Variants in UNKL observed in about 807,000 individuals in gnomAD.
UNKL encodes the protein putative E3 ubiquitin-protein ligase UNKL.
Under a neutral mutation model 78.0 loss-of-function variants are expected in UNKL, and 60 were observed. The ratio of observed to expected loss-of-function variants is 0.77; its 90% CI spans 0.63 to 0.95. The LOEUF (loss-of-function observed/expected upper bound fraction) is 0.95. Among genes scored for constraint, UNKL ranks in the 40% least tolerant of loss-of-function variants. The pLI, the probability that UNKL is intolerant of heterozygous loss-of-function variation, is 0.00. For missense variants in UNKL, 1,159 were observed against 1,045.7 expected, an observed-to-expected ratio of 1.11 and a Z score of -1.49; for synonymous variants, 608 against 474.8, an observed-to-expected ratio of 1.28 and a Z score of -3.65.
At chr16:1,414,528 G>A in intron 1 of UNKL, 87 bp downstream of exon 1, 1 of 326,750 alleles carries the variant, frequency 3.1e-6, no homozygotes, top group Non-Finnish European at 4.4e-6. Flanking sequence ...GGGGGCGCGG[G>A]GGCGGCGGAG....
intron 10 of UNKL, 120 bp from the exon 11 acceptor site, chr16:1,371,731 G>C: frequency 9.7e-7 from 1 of 1,031,156 alleles, no homozygotes; most frequent in Non-Finnish European, 1.4e-6. Context: ...AGAAGGCGTG[G>C]GAGTTGCTGG....
intron 2 of UNKL, among the ~76,000 whole-genome samples, chr16:1,407,569 G>C (rs370539436): frequency 6.6e-6 from 1 of 151,934 alleles, no homozygotes; most frequent in Non-Finnish European, 1.5e-5. Context: ...GGTGGTGTGC[G>C]CCTATGGTCC....
chr16:1,381,693 G>C (rs1355419431), intron 10 of UNKL, among the ~76,000 whole-genome samples: 1 of 152,218 alleles, frequency 6.6e-6, no homozygotes, highest in Non-Finnish European at 1.5e-5. Context: ...CTGAGTTTCT[G>C]AAGGGGATGT....
intron 10 of UNKL, among the ~76,000 whole-genome samples, chr16:1,377,733 G>A (rs1567211312): frequency 6.6e-6 from 1 of 152,078 alleles, no homozygotes; most frequent in African/African-American, 2.4e-5. Context: ...GTCCAGCAGG[G>A]GCCAAAGCCC....
intron 6 of UNKL, chr16:1,394,421 G>A (rs528064701): frequency 1.3e-5 from 9 of 701,618 alleles, no homozygotes; most frequent in Admixed American, 4.0e-5. Flanking sequence ...CAGGGAACAC[G>A]CACACATGTG....
chr16:1,397,515 C>G, intron 5 of UNKL, among the ~76,000 whole-genome samples: 1 of 53,678 alleles, frequency 1.9e-5, no homozygotes, highest in Non-Finnish European at 3.6e-5. Context: ...CTTGGCTCCC[C>G]CACCCCGACC....
chr16:1,397,047 C>G, intron 6 of UNKL, 131 bp downstream of exon 6: 2 of 989,920 alleles, frequency 2.0e-6, no homozygotes, highest in South Asian at 3.1e-5. Flanking sequence ...CACCCCCAGG[C>G]TTCCCGACCT....
intron 2 of UNKL, among the ~76,000 whole-genome samples, chr16:1,405,683 C>T (rs1041600819): frequency 7.2e-5 from 11 of 152,050 alleles, no homozygotes; most frequent in Non-Finnish European, 1.3e-4. Context: ...CCATTGCTCA[C>T]GGATGCCCAA....
rs759568320 is a variant in UNKL, at chr16:1,367,739, C to T, written c.1705G>A (p.Glu569Lys). 10 of 1,577,546 alleles carry T rather than the reference C, an allele frequency of 6.3e-6. No homozygotes were observed. The highest frequency in any genetic ancestry group is 8.6e-6 in the Non-Finnish European group (10 of 1,162,460). Residue 569 changes from glutamate (E) to lysine (K), a missense_variant, in exon 13 of 15, where the codon GAG becomes AAG. Transcript: ENST00000389221. ...AGCTGCCGCCTGACCCGGGCCAGCT[C>T]AGCTCCGTTTGGACTTGCACTCGAA... is the stretch of plus-strand genomic sequence containing the variant. Reference protein sequence around the residue: ...SSSSASPNGAELARVRRQLDE... With the variant: ...SSSSASPNGAKLARVRRQLDE...
chr16:1,407,971 C>T (rs1012897646), intron 2 of UNKL, among the ~76,000 whole-genome samples: 9 of 151,764 alleles, frequency 5.9e-5, no homozygotes. Context: ...TCTGGGAAGC[C>T]TAGGCATATG....
chr16:1,375,056 G>A (rs1300165206), intron 10 of UNKL, among the ~76,000 whole-genome samples: 1 of 152,180 alleles, frequency 6.6e-6, no homozygotes, highest in African/African-American at 2.4e-5. Context: ...GCGCCACGGG[G>A]ACCATGGGAG....
At chr16:1,380,113 CTT>C (rs952082465) in intron 10 of UNKL, among the ~76,000 whole-genome samples, 11 of 152,360 alleles carry the variant, frequency 7.2e-5, no homozygotes, top group Admixed American at 3.9e-4. Flanking sequence ...GCAGGTCTCT[CTT>C]AATCTGAAAC....
rs553243655 is a variant in UNKL at position 1,405,968 on chromosome 16, A to G, written c.288-2624T>C. 399 of 456,746 alleles carry G rather than the reference A, an allele frequency of 8.7e-4. 3 individuals carry two copies. Among genetic ancestry groups the G allele is most frequent in the African/African-American group, 7.4e-3 (371 of 50,194 alleles). The allele number at this position is 456,746 out of a possible 1,614,324, so 28.3% of individuals were successfully genotyped here. On this transcript the variant is annotated intron_variant, in intron 2 of 14. Transcript: ENST00000389221. ...ATTCTCGAGACTGCGAGCCACATGCATCAAAATCACCTAGGAGGCCCGTGG... is the reference window on the plus strand; with the variant it reads ...ATTCTCGAGACTGCGAGCCACATGCGTCAAAATCACCTAGGAGGCCCGTGG...
At position 1,367,195 on chromosome 16, in the gene UNKL, G is replaced by T. The variant is rs772902862; in HGVS notation, c.1943C>A (p.Thr648Lys). 6.2e-7 allele frequency: 1 copy of T among 1,605,924 alleles called. No individual in the cohort carries two copies. Among genetic ancestry groups the T allele is most frequent in the Non-Finnish European group, 8.5e-7 (1 of 1,178,272 alleles). Residue 648 changes from threonine (T) to lysine (K), a missense_variant, in exon 14 of 15, where the codon ACA becomes AAA. By Grantham distance (78) the Thr-to-Lys change is moderately conservative (BLOSUM62 -1). Coordinates refer to ENST00000389221, the MANE Select transcript of UNKL (RefSeq NM_001372107.1). ...EELEGLGVASTLPGLRGCGDI... is the reference protein window; with the variant it reads ...EELEGLGVASKLPGLRGCGDI... The stretch of plus-strand genomic sequence containing the variant: ...CCCACAGCCCCGCAGCCCCGGCAGT[G>T]TGGAGGCTACGCCCAGGCCCTCCAG...
chr16:1,414,104 G>C, intron 1 of UNKL, 49 bp from the exon 2 acceptor site: 1 of 1,495,722 alleles, frequency 6.7e-7, no homozygotes. Flanking sequence ...CACCTCCAGG[G>C]ACTCGGACTC....
chr16:1,405,653 A>G (rs2037723510), intron 2 of UNKL, among the ~76,000 whole-genome samples: 2 of 152,082 alleles, frequency 1.3e-5, no homozygotes, highest in South Asian at 4.2e-4. Context: ...GAGAGGGAAT[A>G]CCTAAGAGAA....
At chr16:1,412,847 A>G (rs926097815) in intron 2 of UNKL, among the ~76,000 whole-genome samples, 2 of 151,486 alleles carry the variant, frequency 1.3e-5, no homozygotes, top group Non-Finnish European at 2.9e-5. Context: ...CGCTGTGCCC[A>G]GGAGGTTGAG....
At chr16:1,411,991 G>C (rs2038061561) in intron 2 of UNKL, 1 of 152,194 alleles carries the variant, frequency 6.6e-6, no homozygotes, top group Non-Finnish European at 1.5e-5. Context: ...GCTGAAAGCA[G>C]CCTTCAACAG....
chr16:1,377,804 C>T (rs778743224), intron 10 of UNKL, among the ~76,000 whole-genome samples: 1 of 152,128 alleles, frequency 6.6e-6, no homozygotes, highest in Non-Finnish European at 1.5e-5. Context: ...AGGCCCTTCC[C>T]AGACACCACG....
Sources: gnomAD v4.1 joint callset for allele counts (sites outside exome capture counted in the v4.1 genomes callset) on GRCh38, gnomAD v4.1.1 for gene constraint, MANE v1.5 for transcripts, NCBI Gene and HGNC (gene_info 2026-07-23, HGNC 2026-07-21) for gene names.